The following NEBL variants were observed in gnomAD, a reference collection of about 807,000 sequenced individuals.
NEBL encodes the protein LIM and SH3 protein 2.
In NEBL, 122 loss-of-function variants were observed where a neutral mutation model predicts 140.2. The observed-to-expected ratio is 0.87, with a 90% CI of 0.75 to 1.01. NEBL has a LOEUF of 1.01. NEBL is among the 50% of genes least tolerant of loss of function. NEBL has a pLI of 0.00. For missense variants in NEBL, 1,365 were observed against 1,231.3 expected, an observed-to-expected ratio of 1.11 and a Z score of -1.62; for synonymous variants, 436 against 398.9, an observed-to-expected ratio of 1.09 and a Z score of -1.11.
chr10:21,127,893 G>C lies in NEBL; in HGVS notation c.164+44490C>G, dbSNP rs150707205. Among the ~76,000 whole-genome samples the C allele has an allele frequency of 7.2e-5, 11 of 152,278 alleles. No homozygotes were observed. The East Asian group carries it at 1.9e-3, about 27-fold the overall frequency. ...ACAAAAGACTTTGCAATTTGCAATT[G>C]AAAGAGATAACCAATAAAATGTGAA... On this transcript the variant is annotated intron_variant, in intron 2 of 6. Transcript: ENST00000417816.
chr10:20,905,294 A>G (rs1689440679), intron 4 of NEBL, among the ~76,000 whole-genome samples: 1 of 152,334 alleles, frequency 6.6e-6, no homozygotes, highest in Non-Finnish European at 1.5e-5. Context: ...CCATTTTCAC[A>G]TTGCTATAAA....
intron 26 of NEBL, among the ~76,000 whole-genome samples, chr10:20,790,614 CAAAA>C (rs1209901453): frequency 2.1e-5 from 3 of 144,520 alleles, no homozygotes; most frequent in Admixed American, 6.8e-5. Flanking sequence ...AAAAAAAAAA[CAAAA>C]CAAACAAACA....
intron 1 of NEBL, among the ~76,000 whole-genome samples, chr10:21,275,223 C>T (rs1842905621): frequency 1.3e-5 from 2 of 152,200 alleles, no homozygotes; most frequent in Admixed American, 1.3e-4. Context: ...TCCTGACTCC[C>T]AGAAACTATA....
intron 3 of NEBL, among the ~76,000 whole-genome samples, chr10:21,017,973 A>T (rs1207662607): frequency 6.6e-6 from 1 of 152,110 alleles, no homozygotes; most frequent in Non-Finnish European, 1.5e-5. Context: ...GGCATCCGCC[A>T]CCACTCCCAG....
intron 4 of NEBL, among the ~76,000 whole-genome samples, chr10:20,933,705 T>G (rs1354950884): frequency 6.6e-6 from 1 of 152,110 alleles, no homozygotes; most frequent in Non-Finnish European, 1.5e-5. Context: ...TTGCATTGCA[T>G]CCAGATTGGG....
chr10:20,947,648 CA>C (rs926328050), intron 4 of NEBL, among the ~76,000 whole-genome samples: 5 of 151,404 alleles, frequency 3.3e-5, no homozygotes, highest in African/African-American at 9.7e-5. Context: ...TTGCTATTTA[CA>C]AATCACAGCC....
intron 2 of NEBL, among the ~76,000 whole-genome samples, chr10:21,166,409 C>G (rs114800560): frequency 0.012 from 1,754 of 152,038 alleles, 14 homozygotes; most frequent in Middle Eastern, 0.024. Context: ...GGTTACAACT[C>G]TCTAATGGGT....
At chr10:21,042,639 T>C (rs1004189415) in intron 2 of NEBL, among the ~76,000 whole-genome samples, 12 of 152,226 alleles carry the variant, frequency 7.9e-5, no homozygotes, top group African/African-American at 2.9e-4. Context: ...GCCAGCTTGA[T>C]GGCTTGAAAT....
chr10:20,887,851 T>C (rs1846664363), intron 4 of NEBL, among the ~76,000 whole-genome samples: 1 of 152,216 alleles, frequency 6.6e-6, no homozygotes, highest in African/African-American at 2.4e-5. Context: ...GAGATTAAGA[T>C]TTGCTCTATA....
At position 21,027,565 on chromosome 10, in the gene NEBL, A is replaced by G. The variant is rs370434686; in HGVS notation, c.165-7364T>C. ...GCTGGATCTCGAACTCCTGGGCTCA[A>G]GTGGTCCAATCAATTCAGCCTTCCA... On this transcript the variant is annotated intron_variant, in intron 2 of 6. Coordinates refer to the NEBL transcript ENST00000417816. Among the ~76,000 whole-genome samples, 32 of 152,206 alleles carry G rather than the reference A, an allele frequency of 2.1e-4. No individual in the cohort carries two copies. The East Asian group carries it at 5.4e-3, about 26-fold the overall frequency.
chr10:21,198,688 C>T (rs1278367569), intron 3 of NEBL, among the ~76,000 whole-genome samples: 1 of 152,144 alleles, frequency 6.6e-6, no homozygotes, highest in East Asian at 1.9e-4. Flanking sequence ...CTTGCCTAGT[C>T]TTCCATACAT....
intron 3 of NEBL, among the ~76,000 whole-genome samples, chr10:21,220,677 A>T (rs12359897): frequency 0.13 from 20,383 of 152,236 alleles, 1,845 homozygotes; most frequent in African/African-American, 0.26. Flanking sequence ...AAGGTTCTGC[A>T]CAGCAAAGGA....
chr10:21,188,226 C>T (rs1193931461), intron 3 of NEBL, among the ~76,000 whole-genome samples: 1 of 152,198 alleles, frequency 6.6e-6, no homozygotes, highest in African/African-American at 2.4e-5. Flanking sequence ...CAGCTTTCTT[C>T]TTCTGTGGAC....
chr10:21,070,533 C>T (rs988178784), intron 2 of NEBL, among the ~76,000 whole-genome samples: 9 of 152,154 alleles, frequency 5.9e-5, no homozygotes, highest in Non-Finnish European at 1.5e-5. Context: ...AATATCCTAA[C>T]TATCCAGTTG....
Position 20,896,959 on chromosome 10 carries a change from T to C in NEBL, c.152A>G (p.Asp51Gly). ...ACAAAAATTACTCCAGCCACTTACA[T>C]CGCTAATGAGTTCCGTGCATTTTCT... The part of the protein sequence containing the change: ...LARKCTELIS[D>G]IRYKEEFKKS... Residue 51 changes from aspartate to glycine, a missense_variant and splice_region_variant, in exon 2 of 28, where the codon GAT becomes GGT. Physicochemically the swap from Asp to Gly is moderately conservative, Grantham distance 94. This residue lies in a region of NEBL where 1,323 missense variants were observed against 1,154.8 expected (regional missense o/e 1.15). Transcript: ENST00000377122. 1.2e-6 allele frequency: 2 copies of C among 1,613,668 alleles called. No individual in the cohort carries two copies. The highest frequency in any genetic ancestry group is 1.7e-6 in the Non-Finnish European group (2 of 1,179,682).
chr10:20,896,081 T>G (rs1847445048), intron 2 of NEBL, among the ~76,000 whole-genome samples: 1 of 152,040 alleles, frequency 6.6e-6, no homozygotes, highest in Admixed American at 6.5e-5. Flanking sequence ...GTGCAAAACA[T>G]TCTGATCATT....
intron 2 of NEBL, among the ~76,000 whole-genome samples, chr10:21,162,889 G>A (rs1840612744): frequency 6.6e-6 from 1 of 152,204 alleles, no homozygotes; most frequent in South Asian, 2.1e-4. Flanking sequence ...AGAACAGCAT[G>A]AGTAAAGGGT....
intron 4 of NEBL, among the ~76,000 whole-genome samples, chr10:20,887,389 A>T (rs911375667): frequency 6.7e-6 from 1 of 148,292 alleles, no homozygotes; most frequent in Non-Finnish European, 1.5e-5. Flanking sequence ...GATGAAGCAG[A>T]TCTGTGGATC....
intron 2 of NEBL, among the ~76,000 whole-genome samples, chr10:21,076,441 T>A (rs2131920465): frequency 1.1e-5 from 1 of 93,060 alleles, no homozygotes; most frequent in Admixed American, 1.3e-4. Context: ...AGAGACTCAG[T>A]TTCAAAAAAA....
Sources: allele counts gnomAD v4.1 joint callset (sites outside exome capture counted in the v4.1 genomes callset), GRCh38; gene constraint gnomAD v4.1.1; regional missense constraint gnomAD v4.1.1; transcripts MANE v1.5; gene names NCBI Gene and HGNC (gene_info 2026-07-23, HGNC 2026-07-21).